ROR2: variants seen among roughly 807,000 people sequenced by gnomAD.
ROR2 encodes the protein tyrosine-protein kinase transmembrane receptor ROR2.
Under a neutral mutation model 74.9 loss-of-function variants are expected in ROR2, and 33 were observed. That is an observed-to-expected ratio of 0.44 (90% CI 0.33 to 0.59). ROR2 has a LOEUF of 0.59. ROR2 is among the 20% of genes least tolerant of loss of function. The pLI, the probability that ROR2 is intolerant of heterozygous loss-of-function variation, is 0.02. For synonymous variants in ROR2, 586 were observed against 558.7 expected, an observed-to-expected ratio of 1.05 and a Z score of -0.69; for missense variants, 1,216 against 1,313.8, an observed-to-expected ratio of 0.93 and a Z score of 1.15.
chr9:91,774,022 G>A lies in ROR2; in HGVS notation c.175+1719C>T, dbSNP rs535752975. ...CAGCCAACACGTCCTAGGATCTTGC[G>A]CAGAGCCAGCTATGGGGACAATCAG... On this transcript the variant is annotated intron_variant, in intron 2 of 8. Coordinates refer to ENST00000375708, the MANE Select transcript of ROR2 (RefSeq NM_004560.4). 9.8e-5 allele frequency among the ~76,000 whole-genome samples: 15 copies of A among 152,364 alleles called. 1 individual carries two copies. Among genetic ancestry groups the A allele is most frequent in the South Asian group, 8.3e-4 (4 of 4,834 alleles).
chr9:91,732,435 C>T (rs1441968680), intron 6 of ROR2, among the ~76,000 whole-genome samples: 1 of 152,162 alleles, frequency 6.6e-6, no homozygotes, highest in Non-Finnish European at 1.5e-5. Flanking sequence ...AAACAGGCCA[C>T]ACCCAGGCCC....
At chr9:91,868,910 A>G (rs111663473) in intron 1 of ROR2, among the ~76,000 whole-genome samples, 3 of 152,346 alleles carry the variant, frequency 2.0e-5, no homozygotes, top group African/African-American at 7.2e-5. Context: ...AGTCTCACAC[A>G]TCAATGTTGG....
chr9:91,894,201 C>A (rs1022834294), intron 1 of ROR2, among the ~76,000 whole-genome samples: 1 of 152,178 alleles, frequency 6.6e-6, no homozygotes, highest in Non-Finnish European at 1.5e-5. Context: ...TTGCTCCAGC[C>A]ACGGGGCCTT....
rs757369497 is a variant in ROR2, at chr9:91,775,752, G to A, written c.164C>T (p.Pro55Leu). Residue 55 changes from proline to leucine, a missense_variant, in exon 2 of 9, where the codon CCA becomes CTA. Pro to Leu is a moderately conservative substitution (Grantham distance 98). Coordinates refer to ENST00000375708, the MANE Select transcript of ROR2 (RefSeq NM_004560.4). ...GPLDGQDGPI[P>L]TLKGYFLNFL... Reference sequence around the variant, plus strand: ...ATGTCCCAGCTCACCTTTCAGAGTTGGAATCGGGCCGTCCTGCCCATCAAG... The same window carrying A: ...ATGTCCCAGCTCACCTTTCAGAGTTAGAATCGGGCCGTCCTGCCCATCAAG... 1.2e-6 allele frequency: 2 copies of A among 1,614,116 alleles called. No homozygotes were observed. The highest frequency in any genetic ancestry group is 8.5e-7 in the Non-Finnish European group (1 of 1,179,956).
At chr9:91,828,099 C>T (rs1238999811) in intron 1 of ROR2, among the ~76,000 whole-genome samples, 5 of 152,222 alleles carry the variant, frequency 3.3e-5, no homozygotes, top group Non-Finnish European at 7.3e-5. Context: ...ATGTTTGCTA[C>T]CTTCAGAAGA....
rs187399090 is a variant in ROR2, at chr9:91,885,001, T to C, written c.97+64866A>G. 1.7e-3 allele frequency among the ~76,000 whole-genome samples: 264 copies of C among 152,286 alleles called. 4 individuals carry two copies. Among genetic ancestry groups the C allele is most frequent in the Non-Finnish European group, 1.1e-3 (76 of 68,034 alleles). On this transcript the variant is annotated intron_variant, in intron 1 of 8. Coordinates refer to ENST00000375708, the MANE Select transcript of ROR2 (RefSeq NM_004560.4). ...GCAAGCTTACAAAGCCTTAAGAACT[T>C]AAAGCCTCGCGAACTTAAAGAGCTA...
intron 1 of ROR2, among the ~76,000 whole-genome samples, chr9:91,944,784 A>T (rs537661053): frequency 1.4e-5 from 2 of 139,654 alleles, no homozygotes; most frequent in Admixed American, 7.5e-5. Flanking sequence ...ATGGCCAGTG[A>T]GGTGGCTCAT....
chr9:91,815,932 G>A (rs1827914320), intron 1 of ROR2, among the ~76,000 whole-genome samples: 1 of 152,084 alleles, frequency 6.6e-6, no homozygotes, highest in Non-Finnish European at 1.5e-5. Context: ...CCTGCCCCAT[G>A]GGACCCTACT....
chr9:91,817,031 T>C (rs559064883), intron 1 of ROR2, among the ~76,000 whole-genome samples: 10 of 152,346 alleles, frequency 6.6e-5, no homozygotes, highest in Non-Finnish European at 1.2e-4. Flanking sequence ...AGGAGAGATA[T>C]AGACTGCCTG....
At chr9:91,837,178 G>A (rs1470424739) in intron 1 of ROR2, among the ~76,000 whole-genome samples, 1 of 152,008 alleles carries the variant, frequency 6.6e-6, no homozygotes, top group Non-Finnish European at 1.5e-5. Flanking sequence ...TTTTGAGATG[G>A]AGTCTCACTC....
chr9:91,898,557 C>T (rs183212145), intron 1 of ROR2, among the ~76,000 whole-genome samples: 94 of 152,282 alleles, frequency 6.2e-4, no homozygotes, highest in African/African-American at 2.2e-3. Context: ...CAAAGTGTTC[C>T]CATTCAAGGG....
At chr9:91,730,817 A>T in intron 7 of ROR2, 93 bp downstream of exon 7, 1 of 1,553,624 alleles carries the variant, frequency 6.4e-7, no homozygotes, top group South Asian at 1.2e-5. Context: ...CACCGTACAG[A>T]GGCACACCCC....
intron 1 of ROR2, among the ~76,000 whole-genome samples, chr9:91,907,582 G>T (rs1487915364): frequency 6.6e-6 from 1 of 152,112 alleles, no homozygotes. Context: ...TCATCTTTCT[G>T]AGAAAGCCAC....
intron 4 of ROR2, among the ~76,000 whole-genome samples, chr9:91,755,029 C>G (rs1825701071): frequency 6.6e-6 from 1 of 152,274 alleles, no homozygotes; most frequent in Non-Finnish European, 1.5e-5. Context: ...GTGGCACGCA[C>G]CTGCAGTCCC....
intron 1 of ROR2, among the ~76,000 whole-genome samples, chr9:91,839,888 T>A (rs943791524): frequency 6.6e-6 from 1 of 152,082 alleles, no homozygotes; most frequent in African/African-American, 2.4e-5. Context: ...ACCTTTTACT[T>A]GGGGACACCC....
intron 1 of ROR2, among the ~76,000 whole-genome samples, chr9:91,925,234 G>T (rs568347440): frequency 6.6e-6 from 1 of 151,980 alleles, no homozygotes; most frequent in Non-Finnish European, 1.5e-5. Context: ...TCGCTGTAGG[G>T]CCCTAGTCTT....
intron 4 of ROR2, among the ~76,000 whole-genome samples, chr9:91,753,117 C>A (rs1156423784): frequency 6.6e-6 from 1 of 152,172 alleles, no homozygotes; most frequent in Non-Finnish European, 1.5e-5. Flanking sequence ...TAATTCCAAT[C>A]AAACTACCAT....
intron 1 of ROR2, among the ~76,000 whole-genome samples, chr9:91,874,278 G>A (rs1167731395): frequency 3.3e-5 from 5 of 152,194 alleles, no homozygotes; most frequent in Non-Finnish European, 5.9e-5. Context: ...ACCGGTTCAG[G>A]AGGCTCTGCA....
At chr9:91,856,882 T>C (rs913550960) in intron 1 of ROR2, among the ~76,000 whole-genome samples, 2 of 152,176 alleles carry the variant, frequency 1.3e-5, no homozygotes, top group Admixed American at 6.5e-5. Flanking sequence ...AACAGTCCCA[T>C]GCCAGGGGTA....
Sources: allele counts gnomAD v4.1 joint callset (sites outside exome capture counted in the v4.1 genomes callset), GRCh38; gene constraint gnomAD v4.1.1; transcripts MANE v1.5; gene names NCBI Gene and HGNC (gene_info 2026-07-23, HGNC 2026-07-21).